The following SUPT3H variants were observed in gnomAD, a reference collection of about 807,000 sequenced individuals.
The protein encoded by SUPT3H is transcription initiation protein SPT3 homolog.
Under a neutral mutation model 44.3 loss-of-function variants are expected in SUPT3H, and 44 were observed. The ratio of observed to expected loss-of-function variants is 0.99; its 90% CI spans 0.78 to 1.28. The LOEUF (loss-of-function observed/expected upper bound fraction) is 1.28, where lower values mean the gene tolerates loss of function less well. SUPT3H is among the 50% of genes most tolerant of loss of function. The pLI, the probability that SUPT3H is intolerant of heterozygous loss-of-function variation, is 0.00. For missense variants in SUPT3H, 380 were observed against 387.1 expected, an observed-to-expected ratio of 0.98 and a Z score of 0.15; for synonymous variants, 124 against 125.6, an observed-to-expected ratio of 0.99 and a Z score of 0.09.
At chr6:45,175,206 C>T (rs1811528765) in intron 2 of SUPT3H, among the ~76,000 whole-genome samples, 1 of 151,708 alleles carries the variant, frequency 6.6e-6, no homozygotes, top group Non-Finnish European at 1.5e-5. Flanking sequence ...CACATATAAT[C>T]TTTTATTACT....
intron 3 of SUPT3H, among the ~76,000 whole-genome samples, chr6:45,036,754 C>T (rs1168381948): frequency 6.6e-6 from 1 of 152,132 alleles, no homozygotes; most frequent in African/African-American, 2.4e-5. Flanking sequence ...CACTCATGGA[C>T]TCTTTCTCAG....
At chr6:45,032,133 TC>T (rs1787034710) in intron 3 of SUPT3H, among the ~76,000 whole-genome samples, 1 of 152,178 alleles carries the variant, frequency 6.6e-6, no homozygotes, top group South Asian at 2.1e-4. Context: ...TACTTCTCCC[TC>T]AGTTTGTCAG....
intron 3 of SUPT3H, among the ~76,000 whole-genome samples, chr6:45,061,113 T>A (rs1424665778): frequency 6.6e-6 from 1 of 152,140 alleles, no homozygotes; most frequent in Non-Finnish European, 1.5e-5. Context: ...CTCAAAGGAA[T>A]ATAAATCATT....
chr6:44,871,008 A>C (rs1411099028), intron 10 of SUPT3H, among the ~76,000 whole-genome samples: 6 of 150,448 alleles, frequency 4.0e-5, no homozygotes, highest in Admixed American at 4.0e-4. Flanking sequence ...TGCCCACGGA[A>C]TCTCGCTGAT....
chr6:45,368,989 A>G (rs533333379), intron 1 of SUPT3H, among the ~76,000 whole-genome samples: 1 of 110,042 alleles, frequency 9.1e-6, no homozygotes, highest in African/African-American at 3.0e-5. Context: ...CCAAATGGTC[A>G]ATCACTGAGA....
intron 7 of SUPT3H, among the ~76,000 whole-genome samples, chr6:44,961,232 G>C (rs1775974925): frequency 6.6e-6 from 1 of 152,202 alleles, no homozygotes; most frequent in Admixed American, 6.5e-5. Context: ...TGTTACTAGA[G>C]CATGTACTAA....
chr6:44,953,495 T>C (rs1199223738), intron 8 of SUPT3H, 78 bp from the exon 9 acceptor site: 3 of 1,131,850 alleles, frequency 2.7e-6, no homozygotes, highest in Non-Finnish European at 4.0e-6. Context: ...CTAAAAGCAA[T>C]ACATTCTGAA....
intron 2 of SUPT3H, among the ~76,000 whole-genome samples, chr6:45,258,117 T>C (rs577587981): frequency 6.6e-6 from 1 of 152,318 alleles, no homozygotes; most frequent in African/African-American, 2.4e-5. Context: ...TTTTCTGAAA[T>C]AGATGATTCT....
intron 6 of SUPT3H, among the ~76,000 whole-genome samples, chr6:44,999,830 G>A (rs1223575500): frequency 2.0e-5 from 3 of 151,924 alleles, no homozygotes; most frequent in Middle Eastern, 3.4e-3. Context: ...GTATCTTTTA[G>A]TAACATAAAA....
intron 2 of SUPT3H, among the ~76,000 whole-genome samples, chr6:45,249,851 T>C (rs548667528): frequency 6.6e-6 from 1 of 152,230 alleles, no homozygotes; most frequent in South Asian, 2.1e-4. Flanking sequence ...TATATCATAC[T>C]GAAAAGAAAA....
intron 3 of SUPT3H, among the ~76,000 whole-genome samples, chr6:45,102,698 T>C (rs1224368281): frequency 1.3e-5 from 2 of 152,126 alleles, no homozygotes; most frequent in South Asian, 2.1e-4. Context: ...TCGCAGCACT[T>C]TGGGAGGCTG....
chr6:44,909,870 C>G (rs1015594792), intron 10 of SUPT3H, among the ~76,000 whole-genome samples: 5 of 152,156 alleles, frequency 3.3e-5, no homozygotes, highest in Non-Finnish European at 7.3e-5. Context: ...AATTTTCAAA[C>G]TTTAAATGAA....
chr6:44,864,817 A>G (rs1217537846), intron 10 of SUPT3H, among the ~76,000 whole-genome samples: 3 of 152,214 alleles, frequency 2.0e-5, no homozygotes, highest in East Asian at 3.9e-4. Flanking sequence ...GACCTCTGAC[A>G]TGCCCTGGAG....
chr6:45,016,519 G>C (rs909290649), intron 4 of SUPT3H, among the ~76,000 whole-genome samples: 5 of 107,582 alleles, frequency 4.6e-5, no homozygotes. Flanking sequence ...ACAGTCCCCA[G>C]AGTGTGATGT....
At chr6:45,094,276 C>T (rs1257592575) in intron 3 of SUPT3H, among the ~76,000 whole-genome samples, 1 of 151,558 alleles carries the variant, frequency 6.6e-6, no homozygotes, top group African/African-American at 2.4e-5. Context: ...AGCAGACCAG[C>T]AGAGAAAAAA....
rs1186022659 is a variant in SUPT3H, at chr6:44,954,711, C to G, written c.581-104G>C. The stretch of plus-strand genomic sequence containing the variant: ...AAAAAAGTATACTCAGAATTGTACA[C>G]AAAAAATAATGCACATAAAATGCAT... On this transcript the variant is annotated intron_variant, in intron 7 of 10. Transcript: ENST00000371459. 8.8e-6 allele frequency: 6 copies of G among 681,330 alleles called. No homozygotes were observed. The South Asian group carries it at 1.1e-4, about 13-fold the overall frequency. The allele number at this position is 681,330 out of a possible 1,614,324, so 42.2% of individuals were successfully genotyped here.
chr6:44,942,473 C>T (rs1772604092), intron 9 of SUPT3H, among the ~76,000 whole-genome samples: 1 of 152,096 alleles, frequency 6.6e-6, no homozygotes, highest in African/African-American at 2.4e-5. Context: ...AATCTTAGAT[C>T]CTTGATAAAC....
chr6:45,031,281 T>G (rs1316680551), intron 3 of SUPT3H, among the ~76,000 whole-genome samples: 1 of 152,190 alleles, frequency 6.6e-6, no homozygotes, highest in African/African-American at 2.4e-5. Context: ...ATTAAAAAAT[T>G]TAGGATGTAA....
In SUPT3H at chr6:45,183,182, A is replaced by G. The variant is rs560651345; in HGVS notation, c.102-77176T>C. Among the ~76,000 whole-genome samples, 5 of 152,376 alleles carry G rather than the reference A, an allele frequency of 3.3e-5. No homozygotes were observed. In the South Asian group the frequency reaches 1.0e-3, roughly 32 times the overall value. On this transcript the variant is annotated intron_variant, in intron 2 of 10. Coordinates refer to ENST00000371459, the MANE Select transcript of SUPT3H (RefSeq NM_003599.4). ...AATGCTACAACATAAATGAACCTTG[A>G]GGACACTGTACTAAGTAAAATAAGC...
Sources: allele counts gnomAD v4.1 joint callset (sites outside exome capture counted in the v4.1 genomes callset), GRCh38; gene constraint gnomAD v4.1.1; transcripts MANE v1.5; gene names NCBI Gene and HGNC (gene_info 2026-07-23, HGNC 2026-07-21).